AKR1C3: variants seen among roughly 807,000 people sequenced by gnomAD.
AKR1C3 encodes the protein aldo-keto reductase family 1 member C3.
Under a neutral mutation model 43.6 loss-of-function variants are expected in AKR1C3, and 48 were observed. The ratio of observed to expected loss-of-function variants is 1.10; its 90% CI spans 0.87 to 1.40. The LOEUF (loss-of-function observed/expected upper bound fraction) is 1.40, where lower values mean the gene tolerates loss of function less well. Ranked by LOEUF, AKR1C3 falls within the 40% of genes most tolerant of loss-of-function variation. The pLI is 0.00. For synonymous variants in AKR1C3, 162 were observed against 139.6 expected (o/e 1.16, Z -1.13); for missense variants, 482 against 391.2 (o/e 1.23, Z -1.96).
chr10:5,101,919 T>A (rs1268911459), intron 5 of AKR1C3, among the ~76,000 whole-genome samples, 182 bp from the exon 6 acceptor site: 1 of 152,246 alleles, frequency 6.6e-6, no homozygotes, highest in Admixed American at 6.5e-5. Context: ...GGCATTTCCA[T>A]TTATACTTTT....
In AKR1C3 at chr10:5,070,084, G is replaced by A. The variant is rs146078267; in HGVS notation, c.84+21189G>A. Reference sequence around the variant, plus strand: ...TCCCTTAAGCAAACTGGTTGGTGACGGTTAGGTGCCTTCACATGGACACCC... The same window carrying A: ...TCCCTTAAGCAAACTGGTTGGTGACAGTTAGGTGCCTTCACATGGACACCC... On this transcript the variant is annotated intron_variant, in intron 1 of 8. Transcript: ENST00000439082. 4.3e-3 allele frequency among the ~76,000 whole-genome samples: 658 copies of A among 152,314 alleles called. 3 individuals carry two copies. Among genetic ancestry groups the A allele is most frequent in the Middle Eastern group, 0.014 (4 of 294 alleles).
At chr10:5,093,408 G>A (rs149969206), upstream of AKR1C3, 1 of 152,156 alleles carries the variant, frequency 6.6e-6, no homozygotes, top group East Asian at 1.9e-4. Context: ...TTGAGGAAAA[G>A]TAAATAGAAC....
chr10:5,103,335 TTAAG>T (rs1456550890), intron 7 of AKR1C3, among the ~76,000 whole-genome samples: 1 of 81,024 alleles, frequency 1.2e-5, no homozygotes, highest in Non-Finnish European at 3.6e-5. Flanking sequence ...TACTGCCTGT[TTAAG>T]TCTTTCTTTG....
chr10:5,106,948 G>T (rs917408582), intron 8 of AKR1C3, among the ~76,000 whole-genome samples: 5 of 137,310 alleles, frequency 3.6e-5, no homozygotes, highest in Admixed American at 3.1e-4. Flanking sequence ...AAGAAAGGAA[G>T]AGTAGCGAGC....
intron 1 of AKR1C3, among the ~76,000 whole-genome samples, chr10:5,084,374 A>G (rs538047859): frequency 0.071 from 10,733 of 151,292 alleles, 445 homozygotes; most frequent in African/African-American, 0.088. Flanking sequence ...TTTGTCAAAG[A>G]TCAGATAGTT....
chr10:5,064,814 A>C (rs1216021161), intron 1 of AKR1C3, among the ~76,000 whole-genome samples: 1 of 152,190 alleles, frequency 6.6e-6, no homozygotes, highest in African/African-American at 2.4e-5. Flanking sequence ...ATGTAAATCA[A>C]AACCACAATG....
chr10:5,074,211 G>A (rs1184708793), intron 1 of AKR1C3, among the ~76,000 whole-genome samples: 2 of 152,174 alleles, frequency 1.3e-5, no homozygotes, highest in Non-Finnish European at 2.9e-5. Context: ...ATACCAAGCT[G>A]TGCCCCGACC....
upstream of AKR1C3, among the ~76,000 whole-genome samples, chr10:5,092,917 A>G (rs11252936): frequency 2.6e-5 from 4 of 151,850 alleles, no homozygotes; most frequent in East Asian, 5.8e-4. Flanking sequence ...TTCTAACTCT[A>G]TATAGATTTG....
chr10:5,091,904 A>C (rs1448448835), upstream of AKR1C3, among the ~76,000 whole-genome samples: 4 of 152,124 alleles, frequency 2.6e-5, no homozygotes, highest in African/African-American at 9.7e-5. Context: ...TCATACTTCT[A>C]TATGGTTTCA....
Position 5,097,560 on chromosome 10 carries a change from TTGTA to T in AKR1C3, c.369+13_369+16del. The T allele has an allele frequency of 3.1e-6, 5 of 1,613,318 alleles. No individual in the cohort carries two copies. Among genetic ancestry groups the T allele is most frequent in the Non-Finnish European group, 4.2e-6 (5 of 1,179,404 alleles). On this transcript the variant is annotated intron_variant, in intron 3 of 8. Coordinates refer to ENST00000380554, the MANE Select transcript of AKR1C3 (RefSeq NM_003739.6). ...TCCAATGTCTCTAAAGGTATGCAGTTTGTATGAGCATAAAATTGCGCTTCTGCTG... is the reference window on the plus strand; with the variant it reads ...TCCAATGTCTCTAAAGGTATGCAGTTTGAGCATAAAATTGCGCTTCTGCTG...
intron 1 of AKR1C3, among the ~76,000 whole-genome samples, chr10:5,075,416 G>C (rs185331430): frequency 7.9e-5 from 12 of 152,180 alleles, no homozygotes; most frequent in Admixed American, 7.8e-4. Context: ...TACATCTAAC[G>C]CCATGGCCCC....
At position 5,096,345 on chromosome 10, in the gene AKR1C3, G is replaced by C. The variant is rs570129683; in HGVS notation, c.85-65G>C. On this transcript the variant is annotated intron_variant, in intron 1 of 8. Coordinates refer to ENST00000380554, the MANE Select transcript of AKR1C3 (RefSeq NM_003739.6). ...AGCTGATTCTTGTATAAAAGTCAAT[G>C]CTTGTGCCTGAACTACCTCTCAGCC... 4.8e-5 allele frequency: 74 copies of C among 1,552,200 alleles called. No individual in the cohort carries two copies. In the African/African-American group the frequency reaches 9.3e-4, roughly 20 times the overall value.
chr10:5,104,597 A>C (rs1839452786), intron 7 of AKR1C3, among the ~76,000 whole-genome samples: 1 of 152,162 alleles, frequency 6.6e-6, no homozygotes, highest in East Asian at 1.9e-4. Context: ...ATTTTGAAAC[A>C]TCAACATCCA....
At chr10:5,099,833 T>A (rs1438110722) in intron 5 of AKR1C3, 9 of 208,700 alleles carry the variant, frequency 4.3e-5, no homozygotes, top group African/African-American at 2.1e-4. Flanking sequence ...AAAGATGAAA[T>A]GAGCTGTACG....
At chr10:5,081,501 G>A (rs1439599012) in intron 1 of AKR1C3, among the ~76,000 whole-genome samples, 1 of 152,124 alleles carries the variant, frequency 6.6e-6, no homozygotes, top group Non-Finnish European at 1.5e-5. Flanking sequence ...AACAATCATT[G>A]TATATAAGAA....
chr10:5,053,501 G>A (rs1438987081), intron 1 of AKR1C3, among the ~76,000 whole-genome samples: 1 of 152,248 alleles, frequency 6.6e-6, no homozygotes, highest in Non-Finnish European at 1.5e-5. Context: ...CTCCCTGCAA[G>A]CTGAGGGAGA....
rs1564367597 is a variant in AKR1C3 at position 5,094,526 on chromosome 10, G to C, written c.82G>C (p.Glu28Gln). ...VLGFGTYAPP[E>Q]VPRSKALEVT... is the part of the protein sequence containing the mutation. ...GGGATTTGGCACCTATGCACCTCCA[G>C]AGGTAAGAATAATTCCTTTTAGTTT... The change falls in exon 1 of 9, where the codon GAG becomes CAG. Residue 28 changes from glutamate (E) to glutamine (Q), a missense_variant and splice_region_variant. Glu to Gln is a conservative substitution (Grantham distance 29, BLOSUM62 2). Coordinates refer to ENST00000380554, the MANE Select transcript of AKR1C3 (RefSeq NM_003739.6). The C allele has an allele frequency of 6.2e-7, 1 of 1,612,596 alleles. No individual in the cohort carries two copies. The highest frequency in any genetic ancestry group is 1.1e-5 in the South Asian group (1 of 91,060).
At chr10:5,097,972 A>T (rs1554785433) in intron 3 of AKR1C3, 1 of 1,042,296 alleles carries the variant, frequency 9.6e-7, no homozygotes, top group African/African-American at 1.7e-5. Flanking sequence ...GGTGGAAGCC[A>T]CTATGCATGG....
intron 1 of AKR1C3, chr10:5,077,536 A>C (rs1052191915): frequency 6.2e-6 from 2 of 321,254 alleles, no homozygotes; most frequent in African/African-American, 4.5e-5. Context: ...ACTGTGTCCT[A>C]TTATGGAAAT....
Sources: allele counts gnomAD v4.1 joint callset (sites outside exome capture counted in the v4.1 genomes callset), GRCh38; gene constraint gnomAD v4.1.1; transcripts MANE v1.5; gene names NCBI Gene and HGNC (gene_info 2026-07-23, HGNC 2026-07-21).